The following SLC66A3 variants were observed in gnomAD, a reference collection of about 807,000 sequenced individuals.
SLC66A3 encodes the protein solute carrier family 66 member 3.
SLC66A3 carries 23 observed loss-of-function variants against 25.5 expected under a neutral mutation model. The ratio of observed to expected loss-of-function variants is 0.90; its 90% confidence interval spans 0.65 to 1.28. The LOEUF (loss-of-function observed/expected upper bound fraction) is 1.28. SLC66A3 is among the 50% of genes most tolerant of loss of function. The pLI is 0.00. For missense variants in SLC66A3, 246 were observed against 262.1 expected (o/e 0.94, Z 0.42); for synonymous variants, 108 against 112.6 (o/e 0.96, Z 0.26).
At chr2:11,176,753 C>T (rs1341618249) in intron 6 of SLC66A3, among the ~76,000 whole-genome samples, 1 of 149,474 alleles carries the variant, frequency 6.7e-6, no homozygotes, top group Non-Finnish European at 1.5e-5. Flanking sequence ...TGGTCTCGAT[C>T]TCCTGACCTC....
chr2:11,166,913 T>C (rs1217351327), intron 4 of SLC66A3, among the ~76,000 whole-genome samples: 3 of 151,860 alleles, frequency 2.0e-5, no homozygotes, highest in Non-Finnish European at 4.4e-5. Flanking sequence ...AACAAAATAT[T>C]GCATGGGACA....
chr2:11,175,430 G>A (rs1303662118), intron 6 of SLC66A3, among the ~76,000 whole-genome samples: 1 of 152,226 alleles, frequency 6.6e-6, no homozygotes, highest in Non-Finnish European at 1.5e-5. Flanking sequence ...TTTAGCCAGA[G>A]GAAAGGATGT....
chr2:11,165,226 G>A (rs900452062), intron 4 of SLC66A3, among the ~76,000 whole-genome samples: 1 of 151,684 alleles, frequency 6.6e-6, no homozygotes, highest in East Asian at 1.9e-4. Context: ...TTCCCAGACG[G>A]GCTGGCTGCC....
intron 4 of SLC66A3, among the ~76,000 whole-genome samples, chr2:11,168,002 C>A (rs1262627724): frequency 3.9e-5 from 6 of 152,100 alleles, no homozygotes; most frequent in African/African-American, 1.4e-4. Context: ...TCTGCAAGGC[C>A]GGGTGCGGTG....
intron 6 of SLC66A3, 152 bp from the exon 7 acceptor site, chr2:11,177,585 A>T (rs966717683): frequency 1.8e-6 from 1 of 565,986 alleles, no homozygotes; most frequent in Non-Finnish European, 3.1e-6. Context: ...TTGTCATGAT[A>T]GGGAGATCAT....
chr2:11,166,942 A>T lies in SLC66A3; in HGVS notation c.354+2681A>T, dbSNP rs535714828. The stretch of plus-strand genomic sequence containing the variant: ...TGGGACATACTTGTACTAAAACATT[A>T]TTTGTTGTTGTTCTGAAATTTAAAT... On this transcript the variant is annotated intron_variant, in intron 4 of 6. Coordinates refer to ENST00000295083, the MANE Select transcript of SLC66A3 (RefSeq NM_152391.5). Among the ~76,000 whole-genome samples the T allele has an allele frequency of 2.4e-4, 37 of 152,230 alleles. No individual in the cohort carries two copies. The South Asian group carries it at 7.0e-3, about 29-fold the overall frequency.
intron 4 of SLC66A3, 24 bp from the exon 5 acceptor site, chr2:11,171,901 T>C: frequency 6.2e-7 from 1 of 1,612,920 alleles, no homozygotes; most frequent in Non-Finnish European, 8.5e-7. Flanking sequence ...ACTCGTGACT[T>C]TCTCACATTT....
chr2:11,161,355 T>C (rs912337936), intron 3 of SLC66A3, among the ~76,000 whole-genome samples: 1 of 151,956 alleles, frequency 6.6e-6, no homozygotes, highest in East Asian at 1.9e-4. Context: ...CAAAGCTCAC[T>C]GCAGCCTTGA....
chr2:11,160,967 G>A (rs1437512148), intron 3 of SLC66A3: 7 of 568,662 alleles, frequency 1.2e-5, no homozygotes, highest in East Asian at 6.0e-5. Context: ...GAGCAGCATC[G>A]TCCAACTGCA....
chr2:11,164,299 G>A lies in SLC66A3; in HGVS notation c.354+38G>A, dbSNP rs201863256. The A allele has an allele frequency of 2.2e-5, 23 of 1,028,500 alleles. No homozygotes were observed. In the African/African-American group the frequency reaches 3.6e-4, roughly 16 times the overall value. The allele number at this position is 1,028,500 out of a possible 1,614,324, so 63.7% of individuals were successfully genotyped here. ...CTTGAAAAGAAAGTAGGAGGAATAA[G>A]CTACCTTGGAGAGAACTTGATAGAT... On this transcript the variant is annotated intron_variant, in intron 4 of 6. Coordinates refer to ENST00000295083, the MANE Select transcript of SLC66A3 (RefSeq NM_152391.5).
chr2:11,165,263 A>ACT (rs1383702352), intron 4 of SLC66A3, among the ~76,000 whole-genome samples: 2 of 135,814 alleles, frequency 1.5e-5, no homozygotes, highest in African/African-American at 3.0e-5. Context: ...CACTTCTCAG[A>ACT]GGGGCGGCTG....
rs774781463 is a variant in SLC66A3, at chr2:11,171,924, G to T, written c.355-1G>T. Reference sequence around the variant, plus strand: ...CTTTCTCACATTTTATCTGCAAACAGAATCTATGTACTTTCATCAGCGCGG... The same window carrying T: ...CTTTCTCACATTTTATCTGCAAACATAATCTATGTACTTTCATCAGCGCGG... On this transcript the variant is annotated splice_acceptor_variant, in intron 4 of 6. Transcript: ENST00000295083. LOFTEE classifies it high-confidence loss of function. The T allele has an allele frequency of 1.2e-6, 2 of 1,613,524 alleles. No individual in the cohort carries two copies. The highest frequency in any genetic ancestry group is 2.7e-5 in the African/African-American group (2 of 74,868).
chr2:11,160,553 C>T lies in SLC66A3; in HGVS notation c.226+5C>T, dbSNP rs755700265. On this transcript the variant is annotated splice_donor_5th_base_variant and intron_variant, in intron 2 of 6. Transcript: ENST00000295083. ...ACCCCATCCTCATCGCGCAAGGTAACAGCCCCTTCCCTGTCCAGCGGACTG... is the reference window on the plus strand; with the variant it reads ...ACCCCATCCTCATCGCGCAAGGTAATAGCCCCTTCCCTGTCCAGCGGACTG... The T allele has an allele frequency of 6.2e-7, 1 of 1,614,186 alleles. No homozygotes were observed. Among genetic ancestry groups the T allele is most frequent in the South Asian group, 1.1e-5 (1 of 91,084 alleles).
At chr2:11,177,542 A>ATTAT (rs1197386860) in intron 6 of SLC66A3, among the ~76,000 whole-genome samples, 195 bp from the exon 7 acceptor site, 2 of 152,240 alleles carry the variant, frequency 1.3e-5, no homozygotes, top group Admixed American at 1.3e-4. Flanking sequence ...ATGATAAATT[A>ATTAT]TTATTTATGA....
At chr2:11,163,625 T>TC (rs1188699884) in intron 3 of SLC66A3, among the ~76,000 whole-genome samples, 21 of 152,330 alleles carry the variant, frequency 1.4e-4, no homozygotes, top group Non-Finnish European at 1.5e-5. Context: ...CTCTTGGCTG[T>TC]CCCCTTCCAG....
rs573065984 is a variant in SLC66A3 at position 11,155,758 on chromosome 2, A to G, written c.143+69A>G. 1.0e-3 allele frequency: 1,301 copies of G among 1,286,740 alleles called. 5 individuals are homozygous for G. In the African/African-American group the frequency reaches 0.019, roughly 18 times the overall value. The allele number at this position is 1,286,740 out of a possible 1,614,324, so 79.7% of individuals were successfully genotyped here. ...CTGCTGCCGGCTGGGAGCCCAGGAG[A>G]GCCTCGGCTCGAAGTAGGGCGGGGA... On this transcript the variant is annotated intron_variant, in intron 1 of 6. Transcript: ENST00000295083.
intron 4 of SLC66A3, among the ~76,000 whole-genome samples, chr2:11,167,815 G>T (rs1230070560): frequency 1.3e-5 from 2 of 152,080 alleles, no homozygotes; most frequent in Non-Finnish European, 2.9e-5. Flanking sequence ...AGAGGAGCGG[G>T]TGCTGCTTGA....
chr2:11,164,327 T>TATA, intron 4 of SLC66A3, 66 bp downstream of exon 4: 1 of 175,462 alleles, frequency 5.7e-6, no homozygotes, highest in Non-Finnish European at 9.8e-6. Flanking sequence ...TGATAGATAT[T>TATA]TATATATATA....
chr2:11,155,574 A>G lies in SLC66A3; in HGVS notation c.28A>G (p.Asn10Asp). Residue 10 changes from asparagine (N) to aspartate (D), a missense_variant, in exon 1 of 7, where the codon AAC (asparagine) becomes GAC (aspartate). By Grantham distance (23) the Asn-to-Asp change is conservative (BLOSUM62 1). This residue lies in a region of SLC66A3 where 142 missense variants were observed against 130.3 expected (regional missense o/e 1.09). Transcript: ENST00000295083. ...GGAGGCGGCGCTGCTGGGGCTGTGT[A>G]ACTGGAGCACGCTGGGCGTGTGCGC... MEAALLGLCNWSTLGVCAAL... is the reference protein window; with the variant it reads MEAALLGLCDWSTLGVCAAL... 2 of 1,514,726 alleles carry G rather than the reference A, an allele frequency of 1.3e-6. No homozygotes were observed. The highest frequency in any genetic ancestry group is 1.2e-5 in the South Asian group (1 of 81,876). 93.8% of individuals were successfully genotyped at this position (1,514,726 alleles called of 1,614,324 possible). A position where few individuals can be genotyped will look rare whatever the true frequency, so the allele number is the denominator to read the frequency against.
Sources: allele counts gnomAD v4.1 joint callset (sites outside exome capture counted in the v4.1 genomes callset), GRCh38; gene constraint gnomAD v4.1.1; regional missense constraint gnomAD v4.1.1; transcripts MANE v1.5; gene names NCBI Gene and HGNC (gene_info 2026-07-23, HGNC 2026-07-21).